Variants in USP45 observed in about 807,000 individuals in gnomAD.
The protein encoded by USP45 is ubiquitin specific peptidase 45.
Under a neutral mutation model 95.8 loss-of-function variants are expected in USP45, and 89 were observed. The observed-to-expected ratio is 0.93, with a 90% CI of 0.78 to 1.11. USP45 has a LOEUF of 1.11. USP45 is among the 50% of genes least tolerant of loss of function. The pLI is 0.00. For synonymous variants in USP45, 281 were observed against 316.2 expected, an observed-to-expected ratio of 0.89 and a Z score of 1.18; for missense variants, 898 against 942.5, an observed-to-expected ratio of 0.95 and a Z score of 0.62.
At chr6:99,501,910 G>A (rs1157103389) in intron 5 of USP45, 8 of 1,283,194 alleles carry the variant, frequency 6.2e-6, no homozygotes, top group Admixed American at 2.5e-5. Flanking sequence ...TTCATGATGG[G>A]TCCCTCAGGC....
chr6:99,509,647 CAAA>C (rs199667881), intron 2 of USP45, among the ~76,000 whole-genome samples: 1 of 60,646 alleles, frequency 1.6e-5, no homozygotes. Flanking sequence ...AGAAAGAGAC[CAAA>C]AAAAAAAAAA....
At chr6:99,504,031 C>T (rs1388939217) in intron 4 of USP45, among the ~76,000 whole-genome samples, 166 bp from the exon 5 acceptor site, 1 of 152,196 alleles carries the variant, frequency 6.6e-6, no homozygotes, top group African/African-American at 2.4e-5. Context: ...GAGGACAATT[C>T]ATACAGAGAC....
chr6:99,476,175 G>C lies in USP45; in HGVS notation c.901C>G (p.Leu301Val), dbSNP rs1205105129. The C allele has an allele frequency of 6.2e-7, 1 of 1,613,968 alleles. No homozygotes were observed. The highest frequency in any genetic ancestry group is 1.1e-5 in the South Asian group (1 of 91,076). The change falls in exon 9 of 18, where the codon CTT becomes GTT. Residue 301 changes from leucine (L) to valine (V), a missense_variant. By Grantham distance (32) the Leu-to-Val change is conservative (BLOSUM62 1). Coordinates refer to ENST00000500704, the MANE Select transcript of USP45 (RefSeq NM_001346022.3). Reference protein sequence around the residue: ...QQDSQELLHYLLDAVRTEETK... With the variant: ...QQDSQELLHYVLDAVRTEETK... ...TCTTCTGTCCTCACTGCATCCAGAA[G>C]ATAATGAAGAAGCTCCTGACTGTCC...
intron 8 of USP45, among the ~76,000 whole-genome samples, chr6:99,476,865 A>C (rs1267830776): frequency 6.6e-6 from 1 of 152,184 alleles, no homozygotes; most frequent in Non-Finnish European, 1.5e-5. Context: ...TATGTTTTTT[A>C]AGGACTTGAT....
chr6:99,508,533 A>G, intron 3 of USP45, 77 bp downstream of exon 3: 1 of 1,395,148 alleles, frequency 7.2e-7, no homozygotes. Flanking sequence ...CCTATGCATG[A>G]CCAACAGTCC....
chr6:99,507,674 G>T, intron 3 of USP45, 143 bp from the exon 4 acceptor site: 1 of 589,110 alleles, frequency 1.7e-6, no homozygotes, highest in Non-Finnish European at 3.0e-6. Context: ...AAAGTAATAT[G>T]GATTCTCATT....
intron 5 of USP45, chr6:99,501,806 A>G: frequency 2.8e-6 from 2 of 715,968 alleles, no homozygotes; most frequent in African/African-American, 3.7e-5. Context: ...CATTACTGTT[A>G]TATAATAAAG....
At chr6:99,496,750 GC>G (rs1796383158) in intron 5 of USP45, among the ~76,000 whole-genome samples, 1 of 151,622 alleles carries the variant, frequency 6.6e-6, no homozygotes, top group Non-Finnish European at 1.5e-5. Flanking sequence ...GAGGACAATG[GC>G]CCACTTTAAA....
At chr6:99,512,614 T>C (rs1040597405) in intron 1 of USP45, among the ~76,000 whole-genome samples, 1 of 152,210 alleles carries the variant, frequency 6.6e-6, no homozygotes, top group Admixed American at 6.5e-5. Flanking sequence ...ATCAAGGTAA[T>C]GAATCTTTCA....
At chr6:99,494,724 T>C (rs991862462) in intron 5 of USP45, among the ~76,000 whole-genome samples, 3 of 152,046 alleles carry the variant, frequency 2.0e-5, no homozygotes, top group African/African-American at 7.3e-5. Context: ...TGAAACCTCG[T>C]CTCTACTAAA....
intron 7 of USP45, among the ~76,000 whole-genome samples, chr6:99,486,504 T>A (rs186116294): frequency 6.6e-6 from 1 of 152,166 alleles, no homozygotes; most frequent in Non-Finnish European, 1.5e-5. Context: ...GAATAGGGCA[T>A]TGGAATCTAT....
chr6:99,455,687 C>G lies in USP45; in HGVS notation c.1308+8917G>C, dbSNP rs1784882717. Among the ~76,000 whole-genome samples the G allele has an allele frequency of 2.0e-5, 3 of 151,818 alleles. No homozygotes were observed. The South Asian group carries it at 6.2e-4, about 32-fold the overall frequency. ...TGTAGTATATATCCATAATGGAATA[C>G]TCTTCAGCCCTAAAAAGAATGAAAT... On this transcript the variant is annotated intron_variant, in intron 13 of 17. Transcript: ENST00000500704.
At chr6:99,476,059 C>T in intron 9 of USP45, 84 bp downstream of exon 9, 1 of 1,253,652 alleles carries the variant, frequency 8.0e-7, no homozygotes, top group Non-Finnish European at 1.1e-6. Context: ...TCAGATGATC[C>T]ACCCCGCCTT....
At chr6:99,439,601 A>G (rs1781144678) in intron 16 of USP45, among the ~76,000 whole-genome samples, 168 bp downstream of exon 16, 1 of 152,234 alleles carries the variant, frequency 6.6e-6, no homozygotes, top group Admixed American at 6.5e-5. Context: ...GACAAAAATC[A>G]TATTCAATGT....
At chr6:99,473,103 A>T (rs2128662197) in intron 9 of USP45, among the ~76,000 whole-genome samples, 1 of 152,298 alleles carries the variant, frequency 6.6e-6, no homozygotes, top group Admixed American at 6.5e-5. Flanking sequence ...AGTTTATTCA[A>T]ATACAACATA....
At chr6:99,512,189 T>C (rs1042770762) in intron 1 of USP45, among the ~76,000 whole-genome samples, 9 of 152,132 alleles carry the variant, frequency 5.9e-5, no homozygotes, top group Non-Finnish European at 1.3e-4. Context: ...AACCTGTTAC[T>C]TGCCTAAGAC....
intron 5 of USP45, among the ~76,000 whole-genome samples, chr6:99,492,580 C>T (rs967147276): frequency 5.3e-5 from 8 of 151,868 alleles, no homozygotes; most frequent in South Asian, 2.1e-4. Flanking sequence ...CTGCAACCTC[C>T]GCCTCCCAGG....
chr6:99,515,638 A>G (rs1169382159), upstream of USP45: 3 of 152,198 alleles, frequency 2.0e-5, no homozygotes, highest in East Asian at 5.8e-4. Context: ...ATAGCCACCG[A>G]CTAGCAATTT....
chr6:99,465,427 A>C (rs562030098), intron 11 of USP45, among the ~76,000 whole-genome samples: 2 of 152,288 alleles, frequency 1.3e-5, no homozygotes, highest in East Asian at 3.9e-4. Flanking sequence ...AGATTAACTA[A>C]AGAGACTAGA....
Sources: allele counts gnomAD v4.1 joint callset (sites outside exome capture counted in the v4.1 genomes callset), GRCh38; gene constraint gnomAD v4.1.1; transcripts MANE v1.5; gene names NCBI Gene and HGNC (gene_info 2026-07-23, HGNC 2026-07-21).